CHN1: variants seen among roughly 807,000 people sequenced by gnomAD.
CHN1 encodes N-chimaerin.
In CHN1, 37 loss-of-function variants were observed where a neutral mutation model predicts 59.5. The observed-to-expected ratio is 0.62, with a 90% CI of 0.48 to 0.82. The LOEUF is 0.82. CHN1 is among the 40% of genes least tolerant of loss of function. The pLI, the probability that CHN1 is intolerant of heterozygous loss-of-function variation, is 0.00. For missense variants in CHN1, 469 were observed against 571.0 expected (o/e 0.82, Z 1.82); for synonymous variants, 206 against 200.4 (o/e 1.03, Z -0.24).
chr2:174,842,828 G>A (rs1686359986), intron 7 of CHN1, among the ~76,000 whole-genome samples: 1 of 152,138 alleles, frequency 6.6e-6, no homozygotes, highest in Admixed American at 6.5e-5. Context: ...TATTTTAATT[G>A]CAATATCAAT....
chr2:175,001,063 C>A (rs2105474861), intron 1 of CHN1, among the ~76,000 whole-genome samples: 1 of 152,308 alleles, frequency 6.6e-6, no homozygotes, highest in East Asian at 1.9e-4. Flanking sequence ...GGACTACAGG[C>A]ACATTGCCAC....
At position 174,990,258 on chromosome 2, in the gene CHN1, TGTGTGA is replaced by T. The variant is rs1391140837; in HGVS notation, c.19+14630_19+14635del. 7.8e-3 allele frequency among the ~76,000 whole-genome samples: 743 copies of T among 94,676 alleles called. 3 individuals carry two copies. The highest frequency in any genetic ancestry group is 0.012 in the Non-Finnish European group (539 of 43,788). The allele number at this position is 94,676 out of a possible 152,430, so 62.1% of individuals were successfully genotyped here. ...CTGTGTGTGTGTGTGTGTGTGTGTG[TGTGTGA>T]GAGAGAGAGAGAGAGAGAGAGAGCG... On this transcript the variant is annotated intron_variant, in intron 1 of 12. Transcript: ENST00000409900.
rs1558981409 is a variant in CHN1, at chr2:174,918,585, A to G, written c.115-20T>C. 1 of 1,583,994 alleles carries G rather than the reference A, an allele frequency of 6.3e-7. No homozygotes were observed. The highest frequency in any genetic ancestry group is 8.6e-7 in the Non-Finnish European group (1 of 1,162,980). On this transcript the variant is annotated intron_variant, in intron 3 of 12. Coordinates refer to ENST00000409900, the MANE Select transcript of CHN1 (RefSeq NM_001822.7). ...TTCCACCTATTGGGAAAGCAAAAAA[A>G]CAGGCATATTTGTAAAAATGCAAAT...
chr2:174,863,285 G>A (rs1410119993), intron 6 of CHN1, among the ~76,000 whole-genome samples: 2 of 152,048 alleles, frequency 1.3e-5, no homozygotes, highest in African/African-American at 4.8e-5. Flanking sequence ...TAGACCAATG[G>A]GTTTCAGTGT....
chr2:174,938,756 T>C (rs556288490), intron 3 of CHN1, among the ~76,000 whole-genome samples: 1 of 152,246 alleles, frequency 6.6e-6, no homozygotes, highest in South Asian at 2.1e-4. Context: ...AGTTTCAATG[T>C]ACAAGGAGAG....
intron 11 of CHN1, chr2:174,802,044 C>A: frequency 2.6e-6 from 1 of 386,528 alleles, no homozygotes; most frequent in Non-Finnish European, 4.9e-6. Flanking sequence ...ATGGAGGGAA[C>A]ATCCAGTTTT....
At chr2:174,840,589 G>A (rs1480994027) in intron 7 of CHN1, among the ~76,000 whole-genome samples, 2 of 152,104 alleles carry the variant, frequency 1.3e-5, no homozygotes, top group African/African-American at 2.4e-5. Context: ...CTCCTCCCAT[G>A]TCTAACAGAG....
At chr2:174,974,898 T>TACACACACACACACACACAC (rs373940330) in intron 1 of CHN1, among the ~76,000 whole-genome samples, 17 of 144,268 alleles carry the variant, frequency 1.2e-4, no homozygotes, top group Admixed American at 3.4e-4. Flanking sequence ...AAATAATTAA[T>TACACACACACACACACACAC]ACACACACAC....
chr2:174,950,110 T>G (rs1471355340), intron 2 of CHN1, among the ~76,000 whole-genome samples: 1 of 151,998 alleles, frequency 6.6e-6, no homozygotes, highest in Non-Finnish European at 1.5e-5. Flanking sequence ...AAATAAAATT[T>G]TTAAAAATCA....
At chr2:174,946,933 A>T (rs1689856688) in intron 2 of CHN1, among the ~76,000 whole-genome samples, 1 of 151,388 alleles carries the variant, frequency 6.6e-6, no homozygotes, top group Admixed American at 6.6e-5. Flanking sequence ...AAAATTCTTC[A>T]AGTCCATTCC....
intron 7 of CHN1, among the ~76,000 whole-genome samples, chr2:174,839,028 A>AG (rs1686196014): frequency 1.3e-5 from 2 of 152,088 alleles, no homozygotes; most frequent in African/African-American, 4.8e-5. Context: ...AAAAAAAAAA[A>AG]AAATTTAGAA....
chr2:174,847,648 G>A, intron 6 of CHN1: 1 of 1,322,604 alleles, frequency 7.6e-7, no homozygotes, highest in African/African-American at 1.5e-5. Flanking sequence ...CATTAGATTG[G>A]CCACCGTAAG....
rs146921964 is a variant in CHN1, at chr2:174,868,664, C to T, written c.549+9176G>A. Among the ~76,000 whole-genome samples, 120 of 152,196 alleles carry T rather than the reference C, an allele frequency of 7.9e-4. 1 individual carries two copies. Among genetic ancestry groups the T allele is most frequent in the Non-Finnish European group, 1.2e-3 (84 of 68,006 alleles). On this transcript the variant is annotated intron_variant, in intron 6 of 12. Coordinates refer to ENST00000409900, the MANE Select transcript of CHN1 (RefSeq NM_001822.7). ...AGGAGAAAAGTTATAATCATTTCTC[C>T]AGGAATTTTACACAACCCGCAATCC...
chr2:174,986,792 A>G (rs1365612140), intron 1 of CHN1, among the ~76,000 whole-genome samples: 1 of 152,236 alleles, frequency 6.6e-6, no homozygotes, highest in Non-Finnish European at 1.5e-5. Flanking sequence ...GCTGGAGTGC[A>G]ATGGCGCGAT....
intron 6 of CHN1, among the ~76,000 whole-genome samples, chr2:174,848,084 T>C (rs1257537560): frequency 6.6e-6 from 1 of 152,216 alleles, no homozygotes; most frequent in Non-Finnish European, 1.5e-5. Context: ...ACTATTTTCA[T>C]GCAGAACAAG....
chr2:174,895,034 C>T (rs970460587), intron 5 of CHN1, among the ~76,000 whole-genome samples: 3 of 140,748 alleles, frequency 2.1e-5, no homozygotes, highest in African/African-American at 6.3e-5. Flanking sequence ...ATAGTATATA[C>T]ACACACACAC....
intron 10 of CHN1, among the ~76,000 whole-genome samples, chr2:174,809,263 C>T (rs766966003): frequency 6.6e-6 from 1 of 152,146 alleles, no homozygotes; most frequent in Non-Finnish European, 1.5e-5. Flanking sequence ...ACAGGTTAAA[C>T]TCCCCAGTTA....
intron 5 of CHN1, among the ~76,000 whole-genome samples, chr2:174,897,433 G>T (rs938570493): frequency 6.7e-6 from 1 of 148,426 alleles, no homozygotes; most frequent in African/African-American, 2.6e-5. Context: ...TTGTGTGTGT[G>T]TGTGTGTGTG....
chr2:174,864,130 T>C (rs957042853), intron 6 of CHN1, among the ~76,000 whole-genome samples: 1 of 152,180 alleles, frequency 6.6e-6, no homozygotes, highest in African/African-American at 2.4e-5. Flanking sequence ...TGTTTGCTTC[T>C]GTTTTCTTTT....
Sources: allele counts gnomAD v4.1 joint callset (sites outside exome capture counted in the v4.1 genomes callset), GRCh38; gene constraint gnomAD v4.1.1; transcripts MANE v1.5; gene names NCBI Gene and HGNC (gene_info 2026-07-23, HGNC 2026-07-21).